Variants in TOGARAM2 observed in about 807,000 individuals in gnomAD.
TOGARAM2 encodes the protein TOG array regulator of axonemal microtubules protein 2.
TOGARAM2 carries 85 observed loss-of-function variants against 93.3 expected under a neutral mutation model. That is an observed-to-expected ratio of 0.91 (90% CI 0.76 to 1.09). The LOEUF (loss-of-function observed/expected upper bound fraction) is 1.09, where lower values mean the gene tolerates loss of function less well. TOGARAM2 is among the 50% of genes least tolerant of loss of function. The probability of loss-of-function intolerance (pLI) is 0.00; values close to 1 mark genes in which losing one functional copy is unlikely to be tolerated. For synonymous variants in TOGARAM2, 593 were observed against 552.8 expected (o/e 1.07, Z -1.02); for missense variants, 1,277 against 1,334.5 (o/e 0.96, Z 0.67).
At chr2:28,967,730 A>T (rs1345764278) in intron 1 of TOGARAM2, among the ~76,000 whole-genome samples, 1 of 149,788 alleles carries the variant, frequency 6.7e-6, no homozygotes, top group Non-Finnish European at 1.5e-5. Context: ...ACGAGTGTCA[A>T]TTTCCTCATC....
intron 19 of TOGARAM2, chr2:29,050,368 TAAAAC>T (rs753588748): frequency 5.3e-5 from 8 of 151,950 alleles, no homozygotes; most frequent in Non-Finnish European, 8.8e-5. Flanking sequence ...AATAAATAAA[TAAAAC>T]AAAAAATAAA....
intron 1 of TOGARAM2, among the ~76,000 whole-genome samples, chr2:28,962,178 G>GTTT (rs768065714): frequency 1.4e-5 from 2 of 142,710 alleles, no homozygotes; most frequent in Non-Finnish European, 1.5e-5. Flanking sequence ...TACATACATA[G>GTTT]TTTTTTTTTT....
intron 16 of TOGARAM2, among the ~76,000 whole-genome samples, chr2:29,034,952 C>T (rs376979058): frequency 6.6e-6 from 1 of 152,048 alleles, no homozygotes; most frequent in South Asian, 2.1e-4. Context: ...GAGTTTGAGA[C>T]CGGCCTGGCC....
rs866464315 is a variant in TOGARAM2 at position 29,051,826 on chromosome 2, C to A, written c.2793C>A (p.His931Gln). The A allele has an allele frequency of 6.4e-7, 1 of 1,565,206 alleles. No homozygotes were observed. The highest frequency in any genetic ancestry group is 1.4e-5 in the African/African-American group (1 of 73,710). ...VERHVLPILW[H>Q]FLNTATRNGT... Reference sequence around the variant, plus strand: ...GGCATGTCCTTCCCATCCTCTGGCACTTCCTGAACACCGCCACCAGGAATG... The same window carrying A: ...GGCATGTCCTTCCCATCCTCTGGCAATTCCTGAACACCGCCACCAGGAATG... The change falls in exon 20 of 20, where the codon CAC becomes CAA. Residue 931 changes from histidine to glutamine, a missense_variant. By Grantham distance (24) the His-to-Gln change is conservative (BLOSUM62 0). Transcript: ENST00000379558.
At chr2:28,987,331 C>G (rs908094557) in intron 1 of TOGARAM2, among the ~76,000 whole-genome samples, 8 of 152,116 alleles carry the variant, frequency 5.3e-5, no homozygotes, top group African/African-American at 1.9e-4. Context: ...GCTTTGTCAC[C>G]TAGGCTGGAG....
At position 28,989,436 on chromosome 2, in the gene TOGARAM2, C is replaced by T. The variant is rs1295499466; in HGVS notation, c.-110-5289C>T. Among the ~76,000 whole-genome samples the T allele has an allele frequency of 5.3e-5, 8 of 150,726 alleles. No homozygotes were observed. In the South Asian group the frequency reaches 8.3e-4, roughly 16 times the overall value. On this transcript the variant is annotated intron_variant, in intron 1 of 19. Coordinates refer to ENST00000379558, the MANE Select transcript of TOGARAM2 (RefSeq NM_199280.4). The stretch of plus-strand genomic sequence containing the variant: ...TTCTTTTTTGAGACAGGGTCTTTGT[C>T]GCCCAGACTGGAGTGCGGTGGCACA...
rs1664653682 is a variant in TOGARAM2 at position 29,017,437 on chromosome 2, C to T, written c.1195+133C>T. ...ATGTATTTATTTAGAGATGGAGCCT[C>T]ACTCTGTGGCCCAGGCTAAAGGGCA... On this transcript the variant is annotated intron_variant, in intron 9 of 19. Coordinates refer to ENST00000379558, the MANE Select transcript of TOGARAM2 (RefSeq NM_199280.4). 1.2e-5 allele frequency: 11 copies of T among 942,776 alleles called. No individual in the cohort carries two copies. The South Asian group carries it at 2.8e-4, about 24-fold the overall frequency. The allele number at this position is 942,776 out of a possible 1,614,324, so 58.4% of individuals were successfully genotyped here. A position where few individuals can be genotyped will look rare whatever the true frequency, so the allele number is the denominator to read the frequency against.
chr2:28,962,521 T>C (rs1255000689), intron 1 of TOGARAM2, among the ~76,000 whole-genome samples: 3 of 152,106 alleles, frequency 2.0e-5, no homozygotes, highest in African/African-American at 2.4e-5. Context: ...ATCCTCCATG[T>C]TTTTGAGATT....
chr2:28,998,268 C>G lies in TOGARAM2; in HGVS notation c.139+15C>G. 1.3e-6 allele frequency: 2 copies of G among 1,582,836 alleles called. No homozygotes were observed. The highest frequency in any genetic ancestry group is 1.7e-6 in the Non-Finnish European group (2 of 1,158,020). On this transcript the variant is annotated intron_variant, in intron 3 of 19. Coordinates refer to ENST00000379558, the MANE Select transcript of TOGARAM2 (RefSeq NM_199280.4). Reference sequence around the variant, plus strand: ...TCATGGAGAAGGTGAGATGGGAAGACCTCACCTGGTCAGGGCCCCTGGCCT... The same window carrying G: ...TCATGGAGAAGGTGAGATGGGAAGAGCTCACCTGGTCAGGGCCCCTGGCCT...
At chr2:29,029,523 G>A (rs1398463198) in intron 14 of TOGARAM2, among the ~76,000 whole-genome samples, 5 of 151,920 alleles carry the variant, frequency 3.3e-5, no homozygotes, top group African/African-American at 9.7e-5. Context: ...TTGGGAGGCC[G>A]AGGCTGGCAG....
At chr2:29,026,817 C>A in intron 13 of TOGARAM2, 36 bp from the exon 14 acceptor site, 1 of 1,541,712 alleles carries the variant, frequency 6.5e-7, no homozygotes, top group Non-Finnish European at 8.8e-7. Flanking sequence ...ACACCACTAT[C>A]CTGAGACTGA....
intron 14 of TOGARAM2, among the ~76,000 whole-genome samples, chr2:29,029,425 T>C (rs1665615547): frequency 6.6e-6 from 1 of 152,176 alleles, no homozygotes; most frequent in Non-Finnish European, 1.5e-5. Context: ...TTGTCACTCA[T>C]AAGTGGGAGC....
intron 18 of TOGARAM2, among the ~76,000 whole-genome samples, chr2:29,042,980 C>T (rs1466355393): frequency 6.6e-6 from 1 of 152,258 alleles, no homozygotes; most frequent in African/African-American, 2.4e-5. Context: ...GACCAAAGCA[C>T]AGCCATGTTC....
intron 14 of TOGARAM2, among the ~76,000 whole-genome samples, chr2:29,028,901 A>C (rs1269663972): frequency 6.6e-6 from 1 of 152,230 alleles, no homozygotes; most frequent in Admixed American, 6.5e-5. Context: ...TCAGTGGAGA[A>C]GTGGAAGGTT....
chr2:29,039,819 G>T (rs543055138), intron 18 of TOGARAM2, among the ~76,000 whole-genome samples: 1 of 152,302 alleles, frequency 6.6e-6, no homozygotes, highest in Admixed American at 6.5e-5. Context: ...GAACTGGTTG[G>T]CTCTGTCTTT....
intron 1 of TOGARAM2, among the ~76,000 whole-genome samples, chr2:28,971,630 C>T (rs1227918635): frequency 6.6e-6 from 1 of 152,032 alleles, no homozygotes; most frequent in Non-Finnish European, 1.5e-5. Context: ...GGTTTTGTTT[C>T]TTCTCTGAGA....
intron 1 of TOGARAM2, among the ~76,000 whole-genome samples, chr2:28,960,871 A>G (rs2148212904): frequency 6.6e-6 from 1 of 152,330 alleles, no homozygotes; most frequent in East Asian, 1.9e-4. Context: ...ATTTACGTTT[A>G]AATAGCCACA....
Position 28,959,806 on chromosome 2 carries a change from T to C in TOGARAM2, c.-147+3109T>C, listed in dbSNP as rs570147143. Among the ~76,000 whole-genome samples, 5 of 152,336 alleles carry C rather than the reference T, an allele frequency of 3.3e-5. No homozygotes were observed. In the South Asian group the frequency reaches 1.0e-3, roughly 32 times the overall value. ...ATACACGCCACTTAAAGTAAAACAC[T>C]GTTGATATAGTCATATGACCCTTAA... On this transcript the variant is annotated intron_variant, in intron 1 of 6. Transcript: ENST00000401723.
intron 8 of TOGARAM2, 123 bp from the exon 9 acceptor site, chr2:29,017,031 A>T: frequency 8.3e-7 from 1 of 1,207,958 alleles, no homozygotes; most frequent in African/African-American, 1.5e-5. Context: ...AGGTGCAAGG[A>T]GTTTGTCTTT....
Sources: allele counts gnomAD v4.1 joint callset (sites outside exome capture counted in the v4.1 genomes callset), GRCh38; gene constraint gnomAD v4.1.1; transcripts MANE v1.5; gene names NCBI Gene and HGNC (gene_info 2026-07-23, HGNC 2026-07-21).